ZMYM2: variants seen among roughly 807,000 people sequenced by gnomAD.
ZMYM2 encodes the protein zinc finger MYM-type containing 2.
In ZMYM2, 56 loss-of-function variants were observed where a neutral mutation model predicts 162.8. The ratio of observed to expected loss-of-function variants is 0.34; its 90% CI spans 0.28 to 0.43. The LOEUF (loss-of-function observed/expected upper bound fraction) is 0.43, where lower values mean the gene tolerates loss of function less well. Among genes scored for constraint, ZMYM2 ranks in the 20% least tolerant of loss-of-function variants. The pLI is 1.00. For missense variants in ZMYM2, 1,275 were observed against 1,621.8 expected, an observed-to-expected ratio of 0.79 and a Z score of 3.67; for synonymous variants, 510 against 541.6, an observed-to-expected ratio of 0.94 and a Z score of 0.81.
intron 14 of ZMYM2, among the ~76,000 whole-genome samples, chr13:20,054,980 A>G (rs1955670424): frequency 6.9e-6 from 1 of 144,572 alleles, no homozygotes; most frequent in Non-Finnish European, 1.5e-5. Context: ...GCATTTGTCT[A>G]CTTCCACATG....
chr13:19,993,587 G>A lies in ZMYM2; in HGVS notation c.515G>A (p.Ser172Asn), dbSNP rs753523451. Reference sequence around the variant, plus strand: ...AAGGTAAATGCAGGAATGGGTAATAGTGGTATCACCACAGAACCAGACTCT... The same window carrying A: ...AAGGTAAATGCAGGAATGGGTAATAATGGTATCACCACAGAACCAGACTCT... The part of the protein sequence containing the change: ...RSKVNAGMGN[S>N]GITTEPDSEI... Residue 172 changes from serine (S) to asparagine (N), a missense_variant, in exon 3 of 25, where the codon AGT (serine) becomes AAT (asparagine). Physicochemically the swap from Ser to Asn is conservative, Grantham distance 46. Coordinates refer to ENST00000610343, the MANE Select transcript of ZMYM2 (RefSeq NM_197968.4). 3 of 1,614,180 alleles carry A rather than the reference G, an allele frequency of 1.9e-6. No individual in the cohort carries two copies. The highest frequency in any genetic ancestry group is 3.3e-5 in the Admixed American group (2 of 60,022).
intron 2 of ZMYM2, among the ~76,000 whole-genome samples, chr13:19,969,467 A>G (rs960365035): frequency 1.1e-4 from 17 of 152,250 alleles, no homozygotes; most frequent in African/African-American, 3.6e-4. Context: ...GTAATATAGT[A>G]TAAGGTCTTT....
intron 17 of ZMYM2, among the ~76,000 whole-genome samples, chr13:20,062,120 A>G (rs1388163422): frequency 6.6e-6 from 1 of 152,164 alleles, no homozygotes; most frequent in South Asian, 2.1e-4. Flanking sequence ...CAATCAAAAT[A>G]CTATAATTTT....
chr13:20,085,663 C>G (rs1958213990), intron 24 of ZMYM2, among the ~76,000 whole-genome samples, 159 bp from the exon 25 acceptor site: 1 of 152,068 alleles, frequency 6.6e-6, no homozygotes, highest in African/African-American at 2.4e-5. Context: ...CAGAAAATAA[C>G]TTTGAGAATA....
chr13:20,030,234 T>G (rs2140295277), intron 9 of ZMYM2, among the ~76,000 whole-genome samples: 1 of 145,888 alleles, frequency 6.9e-6, no homozygotes, highest in African/African-American at 2.5e-5. Flanking sequence ...CTTTTCCTCT[T>G]TTTTTTTTTT....
intron 1 of ZMYM2, among the ~76,000 whole-genome samples, chr13:19,959,064 C>T (rs1344845408): frequency 2.0e-5 from 3 of 151,654 alleles, no homozygotes; most frequent in Admixed American, 1.3e-4. Flanking sequence ...CTCGGGGCTG[C>T]GCTCATGTCA....
At chr13:19,918,495 C>CTTTTTTTTTTTTTTT in the ZMYM2 span, among the ~76,000 whole-genome samples, 16 of 107,496 alleles carry the variant, frequency 1.5e-4, no homozygotes, top group Non-Finnish European at 2.2e-4. Context: ...TTCTTTCTTT[C>CTTTTTTTTTTTTTTT]TTTTTTTTTT....
chr13:19,953,158 T>C, the ZMYM2 span, among the ~76,000 whole-genome samples: 1 of 152,152 alleles, frequency 6.6e-6, no homozygotes, highest in Non-Finnish European at 1.5e-5. Flanking sequence ...TAAATTTCTG[T>C]TATTGATAAA....
rs1949753499 is a variant in ZMYM2 at position 19,993,097 on chromosome 13, T to C, written c.25T>C (p.Leu9=). 1.2e-6 allele frequency: 2 copies of C among 1,610,134 alleles called. No homozygotes were observed. The highest frequency in any genetic ancestry group is 2.2e-5 in the South Asian group (2 of 90,264). The change falls in exon 3 of 25, where the codon TTA becomes CTA. Residue 9 remains leucine, a synonymous_variant. Coordinates refer to ENST00000610343, the MANE Select transcript of ZMYM2 (RefSeq NM_197968.4). The stretch of plus-strand genomic sequence containing the variant: ...CATGGACACAAGTTCAGTGGGAGGA[T>C]TAGAATTGACTGATCAGACTCCTGT... The part of the protein sequence containing the change: MDTSSVGG[L]ELTDQTPVLL...
At chr13:19,986,016 G>A (rs187871521) in intron 2 of ZMYM2, among the ~76,000 whole-genome samples, 74 of 152,062 alleles carry the variant, frequency 4.9e-4, no homozygotes, top group Non-Finnish European at 7.4e-5. Flanking sequence ...GCAAAACCCT[G>A]TCTCTGCAAA....
At chr13:20,062,480 CAA>C (rs748108622) in intron 17 of ZMYM2, among the ~76,000 whole-genome samples, 21 of 152,126 alleles carry the variant, frequency 1.4e-4, no homozygotes, top group Non-Finnish European at 2.4e-4. Context: ...GGTCAAAATT[CAA>C]AGAGTATTGA....
chr13:19,973,954 G>T (rs1367675439), intron 2 of ZMYM2, among the ~76,000 whole-genome samples: 6 of 152,140 alleles, frequency 3.9e-5, no homozygotes, highest in African/African-American at 1.2e-4. Flanking sequence ...AAGCCAAAAG[G>T]TTGGGTACCC....
the ZMYM2 span, among the ~76,000 whole-genome samples, chr13:19,880,234 C>T: frequency 2.0e-5 from 3 of 152,100 alleles, no homozygotes; most frequent in Non-Finnish European, 4.4e-5. Flanking sequence ...CCATGTATAT[C>T]CTATTGGCTC....
intron 9 of ZMYM2, among the ~76,000 whole-genome samples, chr13:20,030,677 C>T (rs1419556984): frequency 6.6e-6 from 1 of 152,080 alleles, no homozygotes; most frequent in East Asian, 1.9e-4. Flanking sequence ...GGATTACAGG[C>T]ATGAGCCACC....
the ZMYM2 span, among the ~76,000 whole-genome samples, chr13:19,878,892 CTCT>C: frequency 2.0e-5 from 3 of 152,124 alleles, no homozygotes; most frequent in Admixed American, 6.6e-5. Flanking sequence ...GGAAATCAAT[CTCT>C]TATCAGATAT....
intron 2 of ZMYM2, among the ~76,000 whole-genome samples, chr13:19,992,203 A>G (rs1012093271): frequency 2.0e-5 from 3 of 152,214 alleles, no homozygotes; most frequent in African/African-American, 7.2e-5. Context: ...AAATTTTCAG[A>G]AAGATTTAAT....
chr13:20,007,598 A>AT (rs778674138), intron 6 of ZMYM2, among the ~76,000 whole-genome samples: 26 of 148,358 alleles, frequency 1.8e-4, no homozygotes, highest in Non-Finnish European at 3.4e-4. Flanking sequence ...GGAGAAGGTT[A>AT]TATGAACTTT....
At chr13:20,059,964 A>T (rs1186846507) in intron 16 of ZMYM2, among the ~76,000 whole-genome samples, 1 of 152,046 alleles carries the variant, frequency 6.6e-6, no homozygotes, top group Non-Finnish European at 1.5e-5. Flanking sequence ...AGCTTGGGAG[A>T]TGGAGGCTGC....
intron 5 of ZMYM2, 113 bp downstream of exon 5, chr13:20,005,352 A>G (rs1751433784): frequency 1.4e-6 from 1 of 734,844 alleles, no homozygotes; most frequent in African/African-American, 1.9e-5. Flanking sequence ...ATATATATAA[A>G]GACTATCTTA....
Sources: gnomAD v4.1 joint callset for allele counts (sites outside exome capture counted in the v4.1 genomes callset) on GRCh38, gnomAD v4.1.1 for gene constraint, MANE v1.5 for transcripts, NCBI Gene and HGNC (gene_info 2026-07-23, HGNC 2026-07-21) for gene names.